KIF15: variants seen among roughly 807,000 people sequenced by gnomAD.
The protein encoded by KIF15 is kinesin family member 15, also known as kinesin-like protein KIF15.
In KIF15, 140 loss-of-function variants were observed where a neutral mutation model predicts 190.6. The ratio of observed to expected loss-of-function variants is 0.73; its 90% confidence interval spans 0.64 to 0.84. The LOEUF (loss-of-function observed/expected upper bound fraction) is 0.84, where lower values mean the gene tolerates loss of function less well. Ranked by LOEUF, KIF15 falls within the 40% of genes least tolerant of loss-of-function variation. The pLI, the probability that KIF15 is intolerant of heterozygous loss-of-function variation, is 0.00. For missense variants in KIF15, 1,372 were observed against 1,584.4 expected, an observed-to-expected ratio of 0.87 and a Z score of 2.28; for synonymous variants, 528 against 551.3, an observed-to-expected ratio of 0.96 and a Z score of 0.59.
At chr3:44,854,913 A>G (rs1401419545), downstream of KIF15, among the ~76,000 whole-genome samples, 1 of 152,186 alleles carries the variant, frequency 6.6e-6, no homozygotes, top group African/African-American at 2.4e-5. Flanking sequence ...TTATAACTAT[A>G]ATGACCCTAT....
intron 14 of KIF15, among the ~76,000 whole-genome samples, chr3:44,803,417 TTTGGGTCCTGATG>T (rs1336564344): frequency 2.0e-5 from 3 of 152,196 alleles, no homozygotes; most frequent in African/African-American, 4.8e-5. Flanking sequence ...TAGCACAGTG[TTTGGGTCCTGATG>T]TTGTGTTTGG....
chr3:44,779,309 T>C (rs2125909372), intron 4 of KIF15, among the ~76,000 whole-genome samples: 1 of 152,298 alleles, frequency 6.6e-6, no homozygotes, highest in African/African-American at 2.4e-5. Context: ...TGAACCCTAA[T>C]TCCTTTTATT....
intron 32 of KIF15, 140 bp downstream of exon 32, chr3:44,848,698 TTA>T: frequency 2.4e-6 from 1 of 418,346 alleles, no homozygotes; most frequent in Non-Finnish European, 4.4e-6. Context: ...AGATTTTTTT[TTA>T]AATACCATTT....
rs1019262049 is a variant in KIF15, at chr3:44,826,547, C to A, written c.2786+87C>A. The A allele has an allele frequency of 1.4e-5, 12 of 873,150 alleles. No individual in the cohort carries two copies. In the African/African-American group the frequency reaches 1.7e-4, roughly 13 times the overall value. The allele number at this position is 873,150 out of a possible 1,614,324, so 54.1% of individuals were successfully genotyped here. Reference sequence around the variant, plus strand: ...TCTTGTTTTTTTTTTATTGCCAATACCCTGTAAAGAGTTATTTTTTTAAAG... The same window carrying A: ...TCTTGTTTTTTTTTTATTGCCAATAACCTGTAAAGAGTTATTTTTTTAAAG... On this transcript the variant is annotated intron_variant, in intron 22 of 34. Transcript: ENST00000326047.
chr3:44,814,894 TTTTC>T lies in KIF15; in HGVS notation c.2384-13_2384-10del. On this transcript the variant is annotated splice_polypyrimidine_tract_variant and intron_variant, in intron 19 of 34. Transcript: ENST00000326047. ...CTTTAAGAAACCTACTGAGGATATG[TTTTC>T]TTTGTTTTTTAGTTTTGAAAAGTGA... 2 of 1,567,936 alleles carry T rather than the reference TTTTC, an allele frequency of 1.3e-6. No homozygotes were observed. The highest frequency in any genetic ancestry group is 2.3e-5 in the East Asian group (1 of 43,798).
chr3:44,825,920 C>A, intron 20 of KIF15, 119 bp from the exon 21 acceptor site: 3 of 849,774 alleles, frequency 3.5e-6, no homozygotes, highest in Non-Finnish European at 3.6e-6. Context: ...TTATATCACT[C>A]GAGGCTTATG....
At chr3:44,765,712 A>G (rs924694738) in intron 1 of KIF15, among the ~76,000 whole-genome samples, 4 of 152,126 alleles carry the variant, frequency 2.6e-5, no homozygotes, top group Non-Finnish European at 4.4e-5. Flanking sequence ...TAATTGTCTT[A>G]TATCCCCATT....
chr3:44,767,045 C>T (rs1705418857), intron 1 of KIF15, among the ~76,000 whole-genome samples: 1 of 151,988 alleles, frequency 6.6e-6, no homozygotes, highest in Non-Finnish European at 1.5e-5. Context: ...CTCCTGACCT[C>T]GTGATCCGCC....
In KIF15 at chr3:44,814,942, A is replaced by G. The variant is rs1033658870; in HGVS notation, c.2415A>G (p.Val805=). 7.5e-6 allele frequency: 12 copies of G among 1,609,850 alleles called. No individual in the cohort carries two copies. The highest frequency in any genetic ancestry group is 1.0e-5 in the Non-Finnish European group (12 of 1,178,790). ...AAAGTGAGGTACATGACCTGCGAGT[A>G]GTCCTTCATTCTGCTGACAAGGAGC... ...FLKSEVHDLR[V]VLHSADKELS... Residue 805 remains valine (V), a synonymous_variant, in exon 20 of 35, where the codon GTA becomes GTG. Coordinates refer to ENST00000326047, the MANE Select transcript of KIF15 (RefSeq NM_020242.3).
At chr3:44,771,240 A>T (rs967909608) in intron 1 of KIF15, among the ~76,000 whole-genome samples, 3 of 152,202 alleles carry the variant, frequency 2.0e-5, no homozygotes, top group Non-Finnish European at 4.4e-5. Flanking sequence ...CTTAATTGTG[A>T]TTGATAGCAT....
Position 44,829,508 on chromosome 3 carries a change from C to T in KIF15, c.2944-463C>T, listed in dbSNP as rs1184901628. ...ATATAATATATGCATATATAATATA[C>T]GCATATATATTATATGTATATAATA... On this transcript the variant is annotated intron_variant, in intron 24 of 34. Transcript: ENST00000326047. 6.8e-4 allele frequency among the ~76,000 whole-genome samples: 26 copies of T among 38,450 alleles called. No individual in the cohort carries two copies. The South Asian group carries it at 7.8e-3, about 12-fold the overall frequency. The allele number at this position is 38,450 out of a possible 152,430, so 25.2% of individuals were successfully genotyped here.
chr3:44,847,668 G>T (rs772712928), intron 30 of KIF15, among the ~76,000 whole-genome samples: 1 of 152,050 alleles, frequency 6.6e-6, no homozygotes, highest in Non-Finnish European at 1.5e-5. Flanking sequence ...GTTCACATTC[G>T]ATCTTCAGAT....
rs1483024336 is a variant in KIF15 at position 44,829,673 on chromosome 3, A to AGATGTATATAT, written c.2944-298_2944-297insGATGTATATAT. On this transcript the variant is annotated intron_variant, in intron 24 of 34. Coordinates refer to ENST00000326047, the MANE Select transcript of KIF15 (RefSeq NM_020242.3). ...TATGTATATATTATGTATATATAAT[A>AGATGTATATAT]TATGTATATATATTATAGATGTATA... Among the ~76,000 whole-genome samples the AGATGTATATAT allele has an allele frequency of 1.6e-3, 215 of 130,904 alleles. 6 individuals are homozygous for AGATGTATATAT. Among genetic ancestry groups the AGATGTATATAT allele is most frequent in the African/African-American group, 5.7e-3 (195 of 33,988 alleles). The allele number at this position is 130,904 out of a possible 152,430, so 85.9% of individuals were successfully genotyped here.
At chr3:44,779,883 A>G (rs1375404741) in intron 4 of KIF15, among the ~76,000 whole-genome samples, 1 of 150,688 alleles carries the variant, frequency 6.6e-6, no homozygotes, top group Non-Finnish European at 1.5e-5. Flanking sequence ...TCCATTTCTC[A>G]TTCTGAGTTA....
chr3:44,855,252 C>T (rs1041718131), downstream of KIF15, among the ~76,000 whole-genome samples: 3 of 152,034 alleles, frequency 2.0e-5, no homozygotes, highest in South Asian at 6.2e-4. Flanking sequence ...GGGAGAATTA[C>T]AAAGAAACTT....
At chr3:44,852,491 T>G in intron 34 of KIF15, 152 bp downstream of exon 34, 1 of 915,060 alleles carries the variant, frequency 1.1e-6, no homozygotes, top group Non-Finnish European at 1.6e-6. Context: ...GTCGTTGCTA[T>G]TCTGAGCCTA....
At chr3:44,778,789 G>C (rs902688166) in intron 4 of KIF15, among the ~76,000 whole-genome samples, 9 of 151,714 alleles carry the variant, frequency 5.9e-5, no homozygotes, top group Non-Finnish European at 1.2e-4. Flanking sequence ...GACCAGTCAG[G>C]CCAACATGGT....
Position 44,843,233 on chromosome 3 carries a change from AG to A in KIF15, c.3695+1del. 1 of 1,601,908 alleles carries A rather than the reference AG, an allele frequency of 6.2e-7. No homozygotes were observed. The highest frequency in any genetic ancestry group is 8.5e-7 in the Non-Finnish European group (1 of 1,170,302). On this transcript the variant is annotated frameshift_variant and splice_region_variant, in exon 30 of 35. Coordinates refer to ENST00000326047, the MANE Select transcript of KIF15 (RefSeq NM_020242.3). LOFTEE classifies it high-confidence loss of function. Reference protein sequence around the residue: ...LDDIKRQKENSDQNHPDNQQL... With the variant: ...LDDIKRQKENXDQNHPDNQQL... ...TGATATTAAAAGACAAAAGGAAAAC[AG>A]GTGAGAAAGAACCACGAGAACTCTA...
intron 16 of KIF15, among the ~76,000 whole-genome samples, chr3:44,808,176 C>T (rs1707605388): frequency 6.6e-6 from 1 of 152,156 alleles, no homozygotes; most frequent in South Asian, 2.1e-4. Flanking sequence ...TTGAAAAATA[C>T]TTGCAGAATA....
Sources: gnomAD v4.1 joint callset for allele counts (sites outside exome capture counted in the v4.1 genomes callset) on GRCh38, gnomAD v4.1.1 for gene constraint, MANE v1.5 for transcripts, NCBI Gene and HGNC (gene_info 2026-07-23, HGNC 2026-07-21) for gene names.